The following FAM13C variants were observed in gnomAD, a reference collection of about 807,000 sequenced individuals.
The protein encoded by FAM13C is family with sequence similarity 13 member C.
A neutral mutation model predicts 73.2 loss-of-function variants in FAM13C; 37 were observed. That is an observed-to-expected ratio of 0.51 (90% confidence interval 0.39 to 0.67). FAM13C has a LOEUF of 0.67. Among genes scored for constraint, FAM13C ranks in the 30% least tolerant of loss-of-function variants. FAM13C has a pLI of 0.00. For missense variants in FAM13C, 589 were observed against 715.6 expected (o/e 0.82, Z 2.02); for synonymous variants, 246 against 260.9 (o/e 0.94, Z 0.55).
rs780129512 is a variant in FAM13C, at chr10:59,283,294, T to C, written c.592+69A>G. 3.0e-4 allele frequency: 456 copies of C among 1,522,458 alleles called. 1 individual carries two copies. Among genetic ancestry groups the C allele is most frequent in the Middle Eastern group, 4.4e-4 (2 of 4,590 alleles). The allele number at this position is 1,522,458 out of a possible 1,614,324, so 94.3% of individuals were successfully genotyped here. A position where few individuals can be genotyped will look rare whatever the true frequency, so the allele number is the denominator to read the frequency against. ...TTTTCCCTCAGGGGCTCAGGCTGAG[T>C]GTGAACCAGCAAGAGACTGAACTAC... is the stretch of plus-strand genomic sequence containing the variant. On this transcript the variant is annotated intron_variant, in intron 6 of 13. Coordinates refer to ENST00000618804, the MANE Select transcript of FAM13C (RefSeq NM_198215.4).
At chr10:59,253,161 G>C (rs530264610) in intron 11 of FAM13C, among the ~76,000 whole-genome samples, 163 bp from the exon 12 acceptor site, 1 of 152,184 alleles carries the variant, frequency 6.6e-6, no homozygotes, top group African/African-American at 2.4e-5. Flanking sequence ...GAGCTCTTCC[G>C]CAGTTTCATT....
At chr10:59,259,351 G>T (rs1842253809) in intron 10 of FAM13C, among the ~76,000 whole-genome samples, 1 of 152,164 alleles carries the variant, frequency 6.6e-6, no homozygotes, top group African/African-American at 2.4e-5. Flanking sequence ...ATTTTCAGCA[G>T]TAAGGCAAGG....
intron 6 of FAM13C, among the ~76,000 whole-genome samples, chr10:59,271,438 G>A (rs1350036817): frequency 1.3e-5 from 2 of 152,130 alleles, no homozygotes; most frequent in African/African-American, 2.4e-5. Flanking sequence ...AATGGATAAC[G>A]CCTCCTATTT....
At chr10:59,308,085 T>C (rs74993457) in intron 4 of FAM13C, among the ~76,000 whole-genome samples, 5,722 of 152,234 alleles carry the variant, frequency 0.038, 145 homozygotes, top group Middle Eastern at 0.061. Flanking sequence ...TCTTGCCGCC[T>C]GTGTCCAAAA....
intron 5 of FAM13C, among the ~76,000 whole-genome samples, chr10:59,301,676 G>C (rs1847620066): frequency 6.6e-6 from 1 of 152,176 alleles, no homozygotes; most frequent in Non-Finnish European, 1.5e-5. Context: ...TGTTCACAGT[G>C]GGGCAGACAG....
At chr10:59,349,529 G>A (rs1438256723) in intron 3 of FAM13C, among the ~76,000 whole-genome samples, 1 of 152,118 alleles carries the variant, frequency 6.6e-6, no homozygotes, top group Non-Finnish European at 1.5e-5. Flanking sequence ...CCAGCACTTT[G>A]GGAGGCTGAA....
chr10:59,354,787 A>G (rs1564628733), intron 2 of FAM13C, among the ~76,000 whole-genome samples: 1 of 152,170 alleles, frequency 6.6e-6, no homozygotes, highest in African/African-American at 2.4e-5. Context: ...CACAAACCCT[A>G]GGAAAATCTG....
chr10:59,263,851 TC>T lies in FAM13C; in HGVS notation c.1024+233del, dbSNP rs1265171286. 11 of 514,778 alleles carry T rather than the reference TC, an allele frequency of 2.1e-5. 1 individual carries two copies. The highest frequency in any genetic ancestry group is 1.8e-4 in the South Asian group (8 of 44,870). The allele number at this position is 514,778 out of a possible 1,614,324, so 31.9% of individuals were successfully genotyped here. ...GAAATGTTCCTGGCATTGAAGTGAA[TC>T]ATTCCACTTGGGAGTCTGGAGGTCC... On this transcript the variant is annotated intron_variant, in intron 9 of 13. Coordinates refer to ENST00000618804, the MANE Select transcript of FAM13C (RefSeq NM_198215.4).
In FAM13C at chr10:59,246,844, T is replaced by G; in HGVS notation, c.*770A>C. ...GCAATAATACTATGGACACATTAGATTATATACTACAGACACATATCTATC... is the reference window on the plus strand; with the variant it reads ...GCAATAATACTATGGACACATTAGAGTATATACTACAGACACATATCTATC... On this transcript the variant is annotated 3_prime_UTR_variant, in exon 14 of 14. Coordinates refer to ENST00000618804, the MANE Select transcript of FAM13C (RefSeq NM_198215.4). 2.6e-6 allele frequency: 1 copy of G among 383,512 alleles called. No homozygotes were observed. Among genetic ancestry groups the G allele is most frequent in the Non-Finnish European group, 4.6e-6 (1 of 216,688 alleles). The allele number at this position is 383,512 out of a possible 1,614,324, so 23.8% of individuals were successfully genotyped here. A position where few individuals can be genotyped will look rare whatever the true frequency, so the allele number is the denominator to read the frequency against.
At chr10:59,252,296 A>T (rs1841466141) in intron 12 of FAM13C, among the ~76,000 whole-genome samples, 1 of 152,106 alleles carries the variant, frequency 6.6e-6, no homozygotes, top group Non-Finnish European at 1.5e-5. Context: ...ATACATGGGC[A>T]TTTTCTTAAA....
intron 3 of FAM13C, among the ~76,000 whole-genome samples, chr10:59,336,785 C>T (rs945143322): frequency 1.3e-5 from 2 of 152,338 alleles, no homozygotes; most frequent in East Asian, 1.9e-4. Flanking sequence ...TCAGTCTCCT[C>T]AGCTGTTAGA....
At chr10:59,351,122 G>A (rs1854977916) in intron 3 of FAM13C, among the ~76,000 whole-genome samples, 1 of 152,108 alleles carries the variant, frequency 6.6e-6, no homozygotes, top group African/African-American at 2.4e-5. Context: ...TGGATCACTT[G>A]AGGTCAGCAC....
intron 10 of FAM13C, among the ~76,000 whole-genome samples, chr10:59,260,501 C>T (rs143731792): frequency 2.7e-4 from 41 of 152,310 alleles, no homozygotes; most frequent in African/African-American, 9.1e-4. Flanking sequence ...TTTTCTGCTG[C>T]TCTCTTTGGC....
At chr10:59,342,361 A>C (rs1589688424) in intron 3 of FAM13C, among the ~76,000 whole-genome samples, 1 of 56 alleles carries the variant, frequency 0.018, no homozygotes, top group African/African-American at 0.021. Context: ...AGTTTGAACT[A>C]AAAAAAAAAA....
chr10:59,337,490 C>A (rs140490583), intron 3 of FAM13C, among the ~76,000 whole-genome samples: 5 of 152,282 alleles, frequency 3.3e-5, no homozygotes, highest in Middle Eastern at 3.4e-3. Flanking sequence ...TCAGAAGCAA[C>A]TGACTGGCTA....
chr10:59,308,886 G>GC (rs1236355817), intron 4 of FAM13C, among the ~76,000 whole-genome samples: 3 of 152,112 alleles, frequency 2.0e-5, no homozygotes, highest in African/African-American at 7.2e-5. Flanking sequence ...TGGCCTCCTC[G>GC]CAGGAGGTGT....
intron 3 of FAM13C, among the ~76,000 whole-genome samples, chr10:59,349,788 G>A (rs1364123019): frequency 6.6e-6 from 1 of 151,952 alleles, no homozygotes; most frequent in East Asian, 1.9e-4. Context: ...TAATAAGATT[G>A]AATGGACTAC....
chr10:59,328,048 T>A (rs1851420515), intron 3 of FAM13C, among the ~76,000 whole-genome samples: 1 of 152,180 alleles, frequency 6.6e-6, no homozygotes, highest in Non-Finnish European at 1.5e-5. Context: ...TCTTTTCCTG[T>A]TCCCAGCCAT....
chr10:59,361,228 G>A, intron 1 of FAM13C: 1 of 557,946 alleles, frequency 1.8e-6, no homozygotes. Context: ...TTTTTTAAGT[G>A]ACTCCACTTA....
Sources: allele counts gnomAD v4.1 joint callset (sites outside exome capture counted in the v4.1 genomes callset), GRCh38; gene constraint gnomAD v4.1.1; transcripts MANE v1.5; gene names NCBI Gene and HGNC (gene_info 2026-07-23, HGNC 2026-07-21).